TOE1: variants seen among roughly 807,000 people sequenced by gnomAD.
TOE1 encodes target of EGR1 protein 1.
In TOE1, 50 loss-of-function variants were observed where a neutral mutation model predicts 49.2. The observed-to-expected ratio is 1.02, with a 90% CI of 0.81 to 1.29. The LOEUF (loss-of-function observed/expected upper bound fraction) is 1.29, where lower values mean the gene tolerates loss of function less well. Ranked by LOEUF, TOE1 falls within the 50% of genes most tolerant of loss-of-function variation. The pLI is 0.00. For synonymous variants in TOE1, 221 were observed against 247.0 expected (o/e 0.89, Z 0.99); for missense variants, 544 against 654.4 (o/e 0.83, Z 1.84).
chr1:45,340,435 G>A lies in TOE1; in HGVS notation c.52+131G>A, dbSNP rs1646856913. The A allele has an allele frequency of 3.3e-6, 5 of 1,519,074 alleles. No individual in the cohort carries two copies. In the Admixed American group the frequency reaches 1.0e-4, roughly 31 times the overall value. The allele number at this position is 1,519,074 out of a possible 1,614,324, so 94.1% of individuals were successfully genotyped here. ...CTTCCGCCTGAACTAGCCACGAGGAGACTACAAGTTCCGTTGTACACCGCG... is the reference window on the plus strand; with the variant it reads ...CTTCCGCCTGAACTAGCCACGAGGAAACTACAAGTTCCGTTGTACACCGCG... On this transcript the variant is annotated intron_variant, in intron 1 of 7. Coordinates refer to ENST00000372090, the MANE Select transcript of TOE1 (RefSeq NM_025077.4).
rs1175935143 is a variant in TOE1 at position 45,343,166 on chromosome 1, G to A, written c.997G>A (p.Glu333Lys). The change falls in exon 8 of 8, where the codon GAG becomes AAG. Residue 333 changes from glutamate to lysine, a missense_variant. Coordinates refer to ENST00000372090, the MANE Select transcript of TOE1 (RefSeq NM_025077.4). This position sits in a 1 kb window ranked among gnomAD's most constrained non-coding sequence, Gnocchi z 4.3. ...LIIDTDEAAA[E>K]DKRRRRRRRE... ...CATTGACACTGATGAGGCTGCGGCA[G>A]AGGACAAGCGGCGACGGCGACGACG... 1.2e-6 allele frequency: 2 copies of A among 1,613,982 alleles called. 1 individual carries two copies. The highest frequency in any genetic ancestry group is 2.2e-5 in the South Asian group (2 of 91,064).
Position 45,343,051 on chromosome 1 carries a change from G to A in TOE1, c.913-31G>A. 1 of 1,613,518 alleles carries A rather than the reference G, an allele frequency of 6.2e-7. No individual in the cohort carries two copies. The highest frequency in any genetic ancestry group is 8.5e-7 in the Non-Finnish European group (1 of 1,179,688). ...GGGAGGGAAGGTTCTGATGCCTGGA[G>A]CCTCTTTCTAAGCCTCTTTCCCACC... On this transcript the variant is annotated intron_variant, in intron 7 of 7. Transcript: ENST00000372090. This position sits in a 1 kb window ranked among gnomAD's most constrained non-coding sequence, Gnocchi z 4.3.
Position 45,343,530 on chromosome 1 carries a change from T to A in TOE1, c.1361T>A (p.Val454Glu). The A allele has an allele frequency of 2.5e-6, 4 of 1,613,976 alleles. No individual in the cohort carries two copies. Among genetic ancestry groups the A allele is most frequent in the Non-Finnish European group, 3.4e-6 (4 of 1,179,974 alleles). Reference protein sequence around the residue: ...AFMTGYVMAYVEVSQGPQPCS... With the variant: ...AFMTGYVMAYEEVSQGPQPCS... Reference sequence around the variant, plus strand: ...ATGACAGGTTATGTGATGGCCTATGTGGAAGTGAGCCAGGGACCGCAGCCC... The same window carrying A: ...ATGACAGGTTATGTGATGGCCTATGAGGAAGTGAGCCAGGGACCGCAGCCC... Residue 454 changes from valine to glutamate, a missense_variant, in exon 8 of 8, where the codon GTG (valine) becomes GAG (glutamate). Val to Glu is a moderately radical substitution (Grantham distance 121). Transcript: ENST00000372090. This position sits in a 1 kb window ranked among gnomAD's most constrained non-coding sequence, Gnocchi z 4.3.
In TOE1 at chr1:45,342,968, G is replaced by A. The variant is rs749051888; in HGVS notation, c.878G>A (p.Arg293His). The A allele has an allele frequency of 3.0e-5, 49 of 1,613,316 alleles. No homozygotes were observed. The highest frequency in any genetic ancestry group is 2.9e-4 in the South Asian group (26 of 91,050). The stretch of plus-strand genomic sequence containing the variant: ...TGCTGCCTGCCCCCAGCAACCCACC[G>A]TCCTCATCCCACCAGCATCTGTGAC... ...YRCCLPPATH[R>H]PHPTSICDNF... The change falls in exon 7 of 8, where the codon CGT becomes CAT. Residue 293 changes from arginine to histidine, a missense_variant. Transcript: ENST00000372090.
In TOE1 at chr1:45,341,512, CAGGA is replaced by C. The variant is rs780805518; in HGVS notation, c.277_280del (p.Arg93ProfsTer40). 1 of 1,614,066 alleles carries C rather than the reference CAGGA, an allele frequency of 6.2e-7. No homozygotes were observed. Among genetic ancestry groups the C allele is most frequent in the East Asian group, 2.2e-5 (1 of 44,876 alleles). On this transcript the variant is annotated frameshift_variant, in exon 4 of 8. Transcript: ENST00000372090. LOFTEE classifies it high-confidence loss of function. ...GTTACAAGGCCGTGTGTCATGCTGCCAGGACCCGTTCTATCCTTTCCCTGGGCCT... is the reference window on the plus strand; with the variant it reads ...GTTACAAGGCCGTGTGTCATGCTGCCCCCGTTCTATCCTTTCCCTGGGCCT...
chr1:45,341,430 A>T (rs1295145729), intron 3 of TOE1, 43 bp from the exon 4 acceptor site: 1 of 1,613,936 alleles, frequency 6.2e-7, no homozygotes, highest in Non-Finnish European at 8.5e-7. Context: ...GTCCTTCATA[A>T]GGCTAACTCC....
At position 45,343,604 on chromosome 1, in the gene TOE1, A is replaced by C. The variant is rs1213654401; in HGVS notation, c.1435A>C (p.Ser479Arg). 1 of 1,613,904 alleles carries C rather than the reference A, an allele frequency of 6.2e-7. No homozygotes were observed. The highest frequency in any genetic ancestry group is 1.3e-5 in the African/African-American group (1 of 74,862). ...TGAATGCCACAATAAGGTATATTTG[A>C]GTGGCAAAGCTGTACCCCTCACAGT... The part of the protein sequence containing the change: ...LPECHNKVYL[S>R]GKAVPLTVAK... Residue 479 changes from serine to arginine, a missense_variant, in exon 8 of 8, where the codon AGT becomes CGT. Transcript: ENST00000372090. This position sits in a 1 kb window ranked among gnomAD's most constrained non-coding sequence, Gnocchi z 4.3.
rs1309894060 is a variant in TOE1 at position 45,343,551 on chromosome 1, A to G, written c.1382A>G (p.Gln461Arg). Residue 461 changes from glutamine (Q) to arginine (R), a missense_variant, in exon 8 of 8, where the codon CAG becomes CGG. Transcript: ENST00000372090. The surrounding 1 kb of genome is among the most constrained non-coding windows in gnomAD (Gnocchi z 4.3). ...TATGTGGAAGTGAGCCAGGGACCGC[A>G]GCCCTGCAGCTCTGGACCCTGGCTC... Reference protein sequence around the residue: ...MAYVEVSQGPQPCSSGPWLPE... With the variant: ...MAYVEVSQGPRPCSSGPWLPE... 1.2e-6 allele frequency: 2 copies of G among 1,614,132 alleles called. No homozygotes were observed. The highest frequency in any genetic ancestry group is 1.1e-5 in the South Asian group (1 of 91,084).
chr1:45,342,855 T>C lies in TOE1; in HGVS notation c.765T>C (p.Asn255=), dbSNP rs748027804. The change falls in exon 7 of 8, where the codon AAT becomes AAC. Residue 255 remains asparagine (N), a synonymous_variant. Coordinates refer to ENST00000372090, the MANE Select transcript of TOE1 (RefSeq NM_025077.4). ...EYAFRKCERE[N]GKQRAAGSPH... Reference sequence around the variant, plus strand: ...TGCGCTGTTGCAGTGAACGGGAAAATGGGAAGCAGCGGGCAGCTGGCAGCC... The same window carrying C: ...TGCGCTGTTGCAGTGAACGGGAAAACGGGAAGCAGCGGGCAGCTGGCAGCC... The C allele has an allele frequency of 3.1e-6, 5 of 1,614,044 alleles. No individual in the cohort carries two copies. The Admixed American group carries it at 6.7e-5, about 22-fold the overall frequency.
In TOE1 at chr1:45,343,260, G is replaced by A; in HGVS notation, c.1091G>A (p.Gly364Asp). Residue 364 changes from glycine to aspartate, a missense_variant, in exon 8 of 8, where the codon GGT (glycine) becomes GAT (aspartate). Physicochemically the swap from Gly to Asp is moderately conservative, Grantham distance 94 (BLOSUM62 -1). Coordinates refer to ENST00000372090, the MANE Select transcript of TOE1 (RefSeq NM_025077.4). The surrounding 1 kb of genome is among the most constrained non-coding windows in gnomAD (Gnocchi z 4.3). ...GTQTSGEAKD[G>D]PPKKQVCGDS... The stretch of plus-strand genomic sequence containing the variant: ...CAGACCTCTGGGGAAGCTAAGGATG[G>A]TCCTCCCAAGAAGCAGGTCTGTGGG... 6.2e-7 allele frequency: 1 copy of A among 1,614,030 alleles called. No individual in the cohort carries two copies. The highest frequency in any genetic ancestry group is 2.2e-5 in the East Asian group (1 of 44,862).
Position 45,343,356 on chromosome 1 carries a change from A to G in TOE1, c.1187A>G (p.Lys396Arg), listed in dbSNP as rs143275600. ...ADETRNLPHSKQGNKNDLEMG... is the reference protein window; with the variant it reads ...ADETRNLPHSRQGNKNDLEMG... ...GAAACTAGGAACCTGCCTCACTCCA[A>G]GCAAGGCAACAAAAATGACTTAGAG... Residue 396 changes from lysine to arginine, a missense_variant, in exon 8 of 8, where the codon AAG becomes AGG. Lys to Arg is a conservative substitution (Grantham distance 26). Transcript: ENST00000372090. The surrounding 1 kb of genome is among the most constrained non-coding windows in gnomAD (Gnocchi z 4.3). 5.0e-5 allele frequency: 81 copies of G among 1,614,104 alleles called. No homozygotes were observed. The African/African-American group carries it at 5.2e-4, about 10-fold the overall frequency.
rs1647068023 is a variant in TOE1, at chr1:45,342,900, C to G, written c.810C>G (p.Phe270Leu). 3 of 1,614,044 alleles carry G rather than the reference C, an allele frequency of 1.9e-6. No individual in the cohort carries two copies. The highest frequency in any genetic ancestry group is 4.5e-5 in the East Asian group (2 of 44,850). The change falls in exon 7 of 8, where the codon TTC (phenylalanine) becomes TTG (leucine). Residue 270 changes from phenylalanine (F) to leucine (L), a missense_variant. Physicochemically the swap from Phe to Leu is conservative, Grantham distance 22. Coordinates refer to ENST00000372090, the MANE Select transcript of TOE1 (RefSeq NM_025077.4). ...AAGSPHLTLE[F>L]CNYPSSMRDH... ...GCAGCCCACACCTTACCCTGGAGTT[C>G]TGCAACTATCCTTCCAGCATGAGGG...
At chr1:45,341,922 G>T (rs1647014253) in intron 4 of TOE1, 27 bp from the exon 5 acceptor site, 1 of 1,610,382 alleles carries the variant, frequency 6.2e-7, no homozygotes, top group South Asian at 1.1e-5. Flanking sequence ...CTGAAATCTT[G>T]ATATAGCAGA....
chr1:45,342,124 C>G lies in TOE1; in HGVS notation c.492+17C>G, dbSNP rs768998082. 43 of 1,612,664 alleles carry G rather than the reference C, an allele frequency of 2.7e-5. No homozygotes were observed. The highest frequency in any genetic ancestry group is 4.0e-5 in the African/African-American group (3 of 74,872). On this transcript the variant is annotated intron_variant, in intron 5 of 7. Coordinates refer to ENST00000372090, the MANE Select transcript of TOE1 (RefSeq NM_025077.4). ...AATGACAAGGTAGGCCTCTAGCCTC[C>G]CTAGCCTTGAGTCTGCCCTTTCTGT... is the stretch of plus-strand genomic sequence containing the variant.
rs963268111 is a variant in TOE1, at chr1:45,342,556, T to C, written c.665T>C (p.Phe222Ser). 6.2e-7 allele frequency: 1 copy of C among 1,614,046 alleles called. No individual in the cohort carries two copies. Among genetic ancestry groups the C allele is most frequent in the Non-Finnish European group, 8.5e-7 (1 of 1,180,028 alleles). The change falls in exon 6 of 8, where the codon TTC (phenylalanine) becomes TCC (serine). Residue 222 changes from phenylalanine to serine, a missense_variant. By Grantham distance (155) the Phe-to-Ser change is radical. Transcript: ENST00000372090. ...GTFTADLCEM[F>S]PAGIYDTKYA... Reference sequence around the variant, plus strand: ...TTCACCGCTGACCTGTGTGAGATGTTCCCAGCAGGCATTTATGACACCAAA... The same window carrying C: ...TTCACCGCTGACCTGTGTGAGATGTCCCCAGCAGGCATTTATGACACCAAA...
rs1403317286 is a variant in TOE1, at chr1:45,342,422, C to T, written c.531C>T (p.Phe177=). The T allele has an allele frequency of 2.2e-5, 35 of 1,614,020 alleles. No individual in the cohort carries two copies. The highest frequency in any genetic ancestry group is 2.7e-5 in the Non-Finnish European group (32 of 1,180,040). ...AGAGCCAGTCAGTACGGACCCTATTCCTGGAGCTAATCCGAGCCCGCCGGC... is the reference window on the plus strand; with the variant it reads ...AGAGCCAGTCAGTACGGACCCTATTTCTGGAGCTAATCCGAGCCCGCCGGC... ...ESQSQSVRTL[F]LELIRARRPL... Residue 177 remains phenylalanine (F), a synonymous_variant, in exon 6 of 8, where the codon TTC becomes TTT. Transcript: ENST00000372090.
At position 45,341,293 on chromosome 1, in the gene TOE1, C is replaced by G; in HGVS notation, c.196-10C>G. ...AGGCCTGTCACAACTCTCCCTTTAC[C>G]TACCCACAGGAGCTGAGTGGGCTTG... is the stretch of plus-strand genomic sequence containing the variant. On this transcript the variant is annotated splice_polypyrimidine_tract_variant and intron_variant, in intron 2 of 7. Coordinates refer to ENST00000372090, the MANE Select transcript of TOE1 (RefSeq NM_025077.4). 1 of 1,614,180 alleles carries G rather than the reference C, an allele frequency of 6.2e-7. No individual in the cohort carries two copies. Among genetic ancestry groups the G allele is most frequent in the Non-Finnish European group, 8.5e-7 (1 of 1,180,016 alleles).
intron 1 of TOE1, 124 bp downstream of exon 1, chr1:45,340,428 A>T: frequency 2.0e-6 from 3 of 1,523,552 alleles, no homozygotes; most frequent in Non-Finnish European, 2.6e-6. Flanking sequence ...TGAACTAGCC[A>T]CGAGGAGACT....
chr1:45,340,944 C>A, intron 1 of TOE1, 129 bp from the exon 2 acceptor site: 1 of 1,369,960 alleles, frequency 7.3e-7, no homozygotes, highest in South Asian at 1.3e-5. Flanking sequence ...ACGTGGGTTA[C>A]AAAGGCTTGT....
Sources: allele counts gnomAD v4.1 joint callset, GRCh38; gene constraint gnomAD v4.1.1; non-coding constraint Gnocchi (gnomAD v3.1); transcripts MANE v1.5; gene names NCBI Gene and HGNC (gene_info 2026-07-23, HGNC 2026-07-21).